NWD1: variants seen among roughly 807,000 people sequenced by gnomAD.
NWD1 encodes the protein NACHT domain- and WD repeat-containing protein 1.
In NWD1, 129 loss-of-function variants were observed where a neutral mutation model predicts 135.1. The ratio of observed to expected loss-of-function variants is 0.96; its 90% CI spans 0.83 to 1.11. NWD1 has a LOEUF of 1.11. NWD1 is among the 50% of genes least tolerant of loss of function. The pLI, the probability that NWD1 is intolerant of heterozygous loss-of-function variation, is 0.00. For missense variants in NWD1, 1,740 were observed against 1,851.3 expected (o/e 0.94, Z 1.10); for synonymous variants, 773 against 786.0 (o/e 0.98, Z 0.28).
intron 11 of NWD1, among the ~76,000 whole-genome samples, chr19:16,773,961 TCCA>T: frequency 5.7e-5 from 8 of 140,490 alleles, no homozygotes; most frequent in African/African-American, 1.9e-4. Flanking sequence ...CATCCATCCA[TCCA>T]TCCATCCATC....
intron 12 of NWD1, among the ~76,000 whole-genome samples, chr19:16,784,351 G>T (rs933897031): frequency 6.6e-6 from 1 of 152,042 alleles, no homozygotes; most frequent in Non-Finnish European, 1.5e-5. Context: ...GGGTAACACA[G>T]CCAGACCCGT....
At chr19:16,730,827 A>C (rs1223469479) in intron 2 of NWD1, among the ~76,000 whole-genome samples, 1 of 152,022 alleles carries the variant, frequency 6.6e-6, no homozygotes, top group East Asian at 1.9e-4. Flanking sequence ...CCAGGAGTTC[A>C]AGACCAGCCT....
At chr19:16,797,945 C>G in intron 16 of NWD1, 59 bp downstream of exon 16, 1 of 1,510,166 alleles carries the variant, frequency 6.6e-7, no homozygotes, top group Non-Finnish European at 9.0e-7. Context: ...GACACTGATT[C>G]TTTAGGGATT....
At chr19:16,755,248 T>C (rs1968745795) in intron 6 of NWD1, among the ~76,000 whole-genome samples, 1 of 152,094 alleles carries the variant, frequency 6.6e-6, no homozygotes. Flanking sequence ...AGGGTCTCAC[T>C]CTCTTGACCC....
rs1251116780 is a variant in NWD1 at position 16,736,750 on chromosome 19, TGTGA to T, written c.198+4_198+7del. ...AAACATCCATAGGGCCAGCTTTTGT[TGTGA>T]GTGTCTTGGGAGGAATGGGTTAGCT... On this transcript the variant is annotated splice_donor_variant and splice_donor_region_variant and intron_variant, in intron 4 of 18. Transcript: ENST00000524140. LOFTEE classifies it high-confidence loss of function. The T allele has an allele frequency of 3.7e-5, 56 of 1,510,052 alleles. No individual in the cohort carries two copies. Among genetic ancestry groups the T allele is most frequent in the Non-Finnish European group, 4.6e-5 (52 of 1,122,880 alleles). 93.5% of individuals were successfully genotyped at this position (1,510,052 alleles called of 1,614,324 possible).
chr19:16,725,007 TA>T (rs58821970), intron 2 of NWD1, among the ~76,000 whole-genome samples: 49,008 of 147,958 alleles, frequency 0.33, 8,235 homozygotes, highest in Middle Eastern at 0.51. Flanking sequence ...AATTTTTATT[TA>T]TTTTTTATTT....
intron 5 of NWD1, 116 bp downstream of exon 5, chr19:16,744,834 A>G: frequency 1.2e-6 from 1 of 845,152 alleles, no homozygotes; most frequent in Non-Finnish European, 1.9e-6. Context: ...ATGCCAAACC[A>G]GTCAACCTCT....
At chr19:16,725,919 A>T (rs550200743) in intron 2 of NWD1, among the ~76,000 whole-genome samples, 82 of 151,466 alleles carry the variant, frequency 5.4e-4, no homozygotes, top group Middle Eastern at 3.4e-3. Context: ...GACAACAGGC[A>T]GGCACCATCA....
At chr19:16,762,968 G>A (rs1224517740) in intron 8 of NWD1, among the ~76,000 whole-genome samples, 5 of 151,994 alleles carry the variant, frequency 3.3e-5, no homozygotes, top group Non-Finnish European at 7.4e-5. Flanking sequence ...ATTTTTAGTA[G>A]AGACGGGGTT....
At position 16,778,845 on chromosome 19, in the gene NWD1, T is replaced by G. The variant is rs1969755191; in HGVS notation, c.2609-498T>G. Among the ~76,000 whole-genome samples, 7 of 152,110 alleles carry G rather than the reference T, an allele frequency of 4.6e-5. No homozygotes were observed. In the South Asian group the frequency reaches 1.5e-3, roughly 32 times the overall value. On this transcript the variant is annotated intron_variant, in intron 11 of 18. Transcript: ENST00000524140. ...CCACCGTGCCCGGCCATGGCCAATG[T>G]GATTTTGTTTCTGAGTTTTCTTCAA...
chr19:16,807,408 G>T (rs1259703544), intron 17 of NWD1, among the ~76,000 whole-genome samples, 178 bp from the exon 18 acceptor site: 1 of 152,098 alleles, frequency 6.6e-6, no homozygotes, highest in Non-Finnish European at 1.5e-5. Flanking sequence ...CAGGAGGATT[G>T]CTTGAATCCA....
intron 6 of NWD1, among the ~76,000 whole-genome samples, chr19:16,752,908 A>T (rs1352122764): frequency 6.6e-6 from 1 of 152,196 alleles, no homozygotes; most frequent in Non-Finnish European, 1.5e-5. Flanking sequence ...CTGAGGCAGG[A>T]GGATTTGTTG....
intron 4 of NWD1, 95 bp downstream of exon 4, chr19:16,736,845 G>A (rs373829175): frequency 1.8e-5 from 14 of 779,846 alleles, no homozygotes; most frequent in South Asian, 7.4e-5. Flanking sequence ...AGTAGGTACC[G>A]TTTCTGCTTT....
intron 6 of NWD1, among the ~76,000 whole-genome samples, chr19:16,754,907 C>G (rs1968729576): frequency 6.6e-6 from 1 of 152,136 alleles, no homozygotes. Context: ...ATCTATCTAT[C>G]TATGTCTATC....
At chr19:16,805,189 G>A (rs1419572933) in intron 17 of NWD1, among the ~76,000 whole-genome samples, 2 of 152,104 alleles carry the variant, frequency 1.3e-5, no homozygotes, top group South Asian at 2.1e-4. Flanking sequence ...CTCCCGAGTA[G>A]CTGAGATTAC....
intron 5 of NWD1, among the ~76,000 whole-genome samples, chr19:16,746,001 C>T (rs758759426): frequency 2.6e-5 from 4 of 152,042 alleles, no homozygotes; most frequent in Non-Finnish European, 5.9e-5. Flanking sequence ...CTTGCACAGT[C>T]GAAAATCTGT....
chr19:16,780,941 G>T (rs1969832900), intron 12 of NWD1, among the ~76,000 whole-genome samples: 1 of 152,116 alleles, frequency 6.6e-6, no homozygotes. Flanking sequence ...TTACAGGTGT[G>T]AGCCACTACA....
rs1188531473 is a variant in NWD1, at chr19:16,794,527, C to T, written c.3278C>T (p.Ser1093Phe). 4 of 1,610,442 alleles carry T rather than the reference C, an allele frequency of 2.5e-6. No individual in the cohort carries two copies. The highest frequency in any genetic ancestry group is 3.4e-6 in the Non-Finnish European group (4 of 1,178,086). Residue 1093 changes from serine to phenylalanine, a missense_variant, in exon 15 of 19, where the codon TCT (serine) becomes TTT (phenylalanine). Physicochemically the swap from Ser to Phe is radical, Grantham distance 155. Transcript: ENST00000524140. Reference sequence around the variant, plus strand: ...GATGCTGTGAGGTTCCTGGTGGTCTCTGAAGATGAGTCCCTCCTCGCCGCA... The same window carrying T: ...GATGCTGTGAGGTTCCTGGTGGTCTTTGAAGATGAGTCCCTCCTCGCCGCA... ...LPDAVRFLVV[S>F]EDESLLAAGF...
At chr19:16,787,877 AAT>A (rs1568380648) in intron 12 of NWD1, among the ~76,000 whole-genome samples, 4 of 42,104 alleles carry the variant, frequency 9.5e-5, no homozygotes, top group Admixed American at 4.1e-4. Flanking sequence ...TAATAATAAC[AAT>A]AATAATAATA....
Sources: allele counts gnomAD v4.1 joint callset (sites outside exome capture counted in the v4.1 genomes callset), GRCh38; gene constraint gnomAD v4.1.1; transcripts MANE v1.5; gene names NCBI Gene and HGNC (gene_info 2026-07-23, HGNC 2026-07-21).